Variants in WFIKKN2 observed in about 807,000 individuals in gnomAD.
WFIKKN2 encodes WAP, Kazal, immunoglobulin, Kunitz and NTR domain-containing protein 2.
WFIKKN2 carries 25 observed loss-of-function variants against 39.2 expected under a neutral mutation model. The ratio of observed to expected loss-of-function variants is 0.64; its 90% CI spans 0.47 to 0.89. The LOEUF (loss-of-function observed/expected upper bound fraction) is 0.89. Among genes scored for constraint, WFIKKN2 ranks in the 40% least tolerant of loss-of-function variants. The pLI, the probability that WFIKKN2 is intolerant of heterozygous loss-of-function variation, is 0.00. For synonymous variants in WFIKKN2, 345 were observed against 329.7 expected, an observed-to-expected ratio of 1.05 and a Z score of -0.50; for missense variants, 770 against 811.7, an observed-to-expected ratio of 0.95 and a Z score of 0.62.
chr17:50,838,492 C>T (rs558168770), intron 1 of WFIKKN2, among the ~76,000 whole-genome samples: 3 of 152,134 alleles, frequency 2.0e-5, no homozygotes, highest in South Asian at 2.1e-4. Flanking sequence ...CAAGTGGGTA[C>T]GATGTGTTAT....
In WFIKKN2 at chr17:50,836,044, C is replaced by T. The variant is rs201015217; in HGVS notation, c.107C>T (p.Pro36Leu). ...LGVPPRSLAL[P>L]PIRYSHAGIC... is the part of the protein sequence containing the mutation. ...GTGCCCCCGCGAAGCCTGGCGCTGC[C>T]GCCCATCCGCTATTCCCACGCCGGC... is the stretch of plus-strand genomic sequence containing the variant. The change falls in exon 1 of 2, where the codon CCG becomes CTG. Residue 36 changes from proline (P) to leucine (L), a missense_variant. Physicochemically the swap from Pro to Leu is moderately conservative, Grantham distance 98. Coordinates refer to ENST00000311378, the MANE Select transcript of WFIKKN2 (RefSeq NM_175575.6). 82 of 1,602,546 alleles carry T rather than the reference C, an allele frequency of 5.1e-5. No individual in the cohort carries two copies. The highest frequency in any genetic ancestry group is 6.7e-5 in the African/African-American group (5 of 74,858).
chr17:50,840,307 A>G lies in WFIKKN2; in HGVS notation c.1019A>G (p.Glu340Gly), dbSNP rs2143298750. ...KPPDSEDCGE[E>G]QTRWHFDAQA... Reference sequence around the variant, plus strand: ...CCAGACAGTGAGGACTGTGGCGAAGAGCAGACCCGCTGGCACTTCGATGCC... The same window carrying G: ...CCAGACAGTGAGGACTGTGGCGAAGGGCAGACCCGCTGGCACTTCGATGCC... Residue 340 changes from glutamate to glycine, a missense_variant, in exon 2 of 2, where the codon GAG becomes GGG. Transcript: ENST00000311378. The G allele has an allele frequency of 6.2e-7, 1 of 1,614,036 alleles. No homozygotes were observed.
intron 1 of WFIKKN2, among the ~76,000 whole-genome samples, chr17:50,836,458 G>C (rs1971960374): frequency 6.6e-6 from 1 of 151,542 alleles, no homozygotes; most frequent in Non-Finnish European, 1.5e-5. Context: ...GTGGGGTCCA[G>C]AAGCCGGTGT....
upstream of WFIKKN2, chr17:50,834,968 G>A (rs1160041642): frequency 2.0e-5 from 3 of 152,348 alleles, no homozygotes; most frequent in Non-Finnish European, 4.4e-5. Context: ...GGTTTTCTCG[G>A]TGTGTCGATG....
chr17:50,835,925 C>A lies in WFIKKN2; in HGVS notation c.-13C>A, dbSNP rs781219975. ...CGTTTCAGGGGAGGTCTCTAGCCGC[C>A]CCAGCCTGCACCATGTGGGCCCCAA... On this transcript the variant is annotated 5_prime_UTR_variant, in exon 1 of 2. Coordinates refer to ENST00000311378, the MANE Select transcript of WFIKKN2 (RefSeq NM_175575.6). 1.0e-5 allele frequency: 16 copies of A among 1,606,630 alleles called. No homozygotes were observed. Among genetic ancestry groups the A allele is most frequent in the Non-Finnish European group, 1.4e-5 (16 of 1,175,844 alleles).
At position 50,840,989 on chromosome 17, in the gene WFIKKN2, C is replaced by T. The variant is rs370063693; in HGVS notation, c.1701C>T (p.Asp567=). 56 of 1,548,648 alleles carry T rather than the reference C, an allele frequency of 3.6e-5. No individual in the cohort carries two copies. Among genetic ancestry groups the T allele is most frequent in the Non-Finnish European group, 3.8e-5 (44 of 1,145,428 alleles). The change falls in exon 2 of 2, where the codon GAC becomes GAT. Residue 567 remains aspartate, a synonymous_variant. Coordinates refer to ENST00000311378, the MANE Select transcript of WFIKKN2 (RefSeq NM_175575.6). ...LREVMHKKTC[D]VLKEFLGLH ...AGGTCATGCACAAGAAGACCTGTGA[C>T]GTCCTCAAGGAGTTTCTTGGCTTGC...
In WFIKKN2 at chr17:50,841,070, C is replaced by T; in HGVS notation, c.*51C>T. On this transcript the variant is annotated 3_prime_UTR_variant, in exon 2 of 2. Transcript: ENST00000311378. ...CCCTGGCCTTCTTCCACCTATCCAC[C>T]CCAATGCCTCTCAGCAAACTGGGCG... 2 of 1,485,346 alleles carry T rather than the reference C, an allele frequency of 1.3e-6. No individual in the cohort carries two copies. Among genetic ancestry groups the T allele is most frequent in the Admixed American group, 2.3e-5 (1 of 42,584 alleles). 92.0% of individuals were successfully genotyped at this position (1,485,346 alleles called of 1,614,324 possible). A position where few individuals can be genotyped will look rare whatever the true frequency, so the allele number is the denominator to read the frequency against.
rs1286033846 is a variant in WFIKKN2, at chr17:50,840,849, A to T, written c.1561A>T (p.Thr521Ser). 1 of 1,611,192 alleles carries T rather than the reference A, an allele frequency of 6.2e-7. No individual in the cohort carries two copies. Residue 521 changes from threonine (T) to serine (S), a missense_variant, in exon 2 of 2, where the codon ACC (threonine) becomes TCC (serine). Transcript: ENST00000311378. ...CTGGGCATGCCCCTGCCCCAACGTG[A>T]CCGTGAGCGAGATGCCGCTCATCAT... is the stretch of plus-strand genomic sequence containing the variant. The part of the protein sequence containing the change: ...VDWACPCPNV[T>S]VSEMPLIIMG...
Position 50,839,749 on chromosome 17 carries a change from A to G in WFIKKN2, c.461A>G (p.Tyr154Cys). The change falls in exon 2 of 2, where the codon TAT becomes TGT. Residue 154 changes from tyrosine to cysteine, a missense_variant. Physicochemically the swap from Tyr to Cys is radical, Grantham distance 194. Coordinates refer to ENST00000311378, the MANE Select transcript of WFIKKN2 (RefSeq NM_175575.6). The stretch of plus-strand genomic sequence containing the variant: ...TGCGCCTCGGACGGCCTCACCTACT[A>G]TAACCGCTGCTACATGGATGCCGAG... Reference protein sequence around the residue: ...FTCASDGLTYYNRCYMDAEAC... With the variant: ...FTCASDGLTYCNRCYMDAEAC... 3 of 1,614,196 alleles carry G rather than the reference A, an allele frequency of 1.9e-6. No individual in the cohort carries two copies. The highest frequency in any genetic ancestry group is 2.2e-5 in the East Asian group (1 of 44,874).
rs1317185449 is a variant in WFIKKN2 at position 50,842,080 on chromosome 17, G to A, written c.*1061G>A. Reference sequence around the variant, plus strand: ...GGCCTCAGGAACCCACGGGAACCTGGAAGGAGGCTCTTTGTGAGACCTGGG... The same window carrying A: ...GGCCTCAGGAACCCACGGGAACCTGAAAGGAGGCTCTTTGTGAGACCTGGG... On this transcript the variant is annotated 3_prime_UTR_variant, in exon 2 of 2. Transcript: ENST00000311378. 1 of 152,162 alleles carries A rather than the reference G, an allele frequency of 6.6e-6. No homozygotes were observed. The highest frequency in any genetic ancestry group is 6.5e-5 in the Admixed American group (1 of 15,270). The allele number at this position is 152,162 out of a possible 1,614,324, so 9.4% of individuals were successfully genotyped here. A position where few individuals can be genotyped will look rare whatever the true frequency, so the allele number is the denominator to read the frequency against.
intron 1 of WFIKKN2, 22 bp downstream of exon 1, chr17:50,836,169 G>C: frequency 6.2e-7 from 1 of 1,609,644 alleles, no homozygotes; most frequent in Non-Finnish European, 8.5e-7. Flanking sequence ...CCAGAGACCA[G>C]AGATGGACCA....
In WFIKKN2 at chr17:50,840,606, A is replaced by AG; in HGVS notation, c.1323dup (p.Asn442GlufsTer30). ...CTGTGAGGAGTCGTGCCCCTTCCCC[A>AG]GGGGGAACCAGCGCTGTCGGGCCTG... is the stretch of plus-strand genomic sequence containing the variant. On this transcript the variant is annotated frameshift_variant, in exon 2 of 2. Transcript: ENST00000311378. LOFTEE classifies it high-confidence loss of function. 6.2e-7 allele frequency: 1 copy of AG among 1,613,954 alleles called. No homozygotes were observed. Among genetic ancestry groups the AG allele is most frequent in the East Asian group, 2.2e-5 (1 of 44,860 alleles).
At position 50,841,924 on chromosome 17, in the gene WFIKKN2, A is replaced by G. The variant is rs1972050536; in HGVS notation, c.*905A>G. ...ACATAGATCAGACAAAAGCCCCGGG[A>G]TCTGTTTGGTAGCAGGAGAAATGAA... is the stretch of plus-strand genomic sequence containing the variant. On this transcript the variant is annotated 3_prime_UTR_variant, in exon 2 of 2. Coordinates refer to ENST00000311378, the MANE Select transcript of WFIKKN2 (RefSeq NM_175575.6). 6.6e-6 allele frequency: 1 copy of G among 152,138 alleles called. No individual in the cohort carries two copies. The highest frequency in any genetic ancestry group is 1.5e-5 in the Non-Finnish European group (1 of 68,080). The allele number at this position is 152,138 out of a possible 1,614,324, so 9.4% of individuals were successfully genotyped here. A position where few individuals can be genotyped will look rare whatever the true frequency, so the allele number is the denominator to read the frequency against.
chr17:50,834,852 C>G (rs1971935283), upstream of WFIKKN2: 1 of 152,256 alleles, frequency 6.6e-6, no homozygotes, highest in African/African-American at 2.4e-5. Context: ...GTGGGGGAGG[C>G]CAGACAAGGC....
Position 50,839,870 on chromosome 17 carries a change from C to T in WFIKKN2, c.582C>T (p.His194=). The change falls in exon 2 of 2, where the codon CAC becomes CAT. Residue 194 remains histidine, a synonymous_variant. Transcript: ENST00000311378. ...TSPPPPETTM[H]PTTASPETPE... is the part of the protein sequence containing the mutation. The stretch of plus-strand genomic sequence containing the variant: ...CCCCACCACCTGAGACCACCATGCA[C>T]CCCACCACAGCCTCCCCAGAGACCC... The T allele has an allele frequency of 5.0e-6, 8 of 1,614,198 alleles. 2 individuals carry two copies. The Admixed American group carries it at 6.7e-5, about 13-fold the overall frequency.
rs1971943624 is a variant in WFIKKN2, at chr17:50,835,615, C to T, written c.-323C>T. 1 of 362,842 alleles carries T rather than the reference C, an allele frequency of 2.8e-6. No homozygotes were observed. Among genetic ancestry groups the T allele is most frequent in the South Asian group, 6.9e-5 (1 of 14,518 alleles). 22.5% of individuals were successfully genotyped at this position (362,842 alleles called of 1,614,324 possible). A position where few individuals can be genotyped will look rare whatever the true frequency, so the allele number is the denominator to read the frequency against. The stretch of plus-strand genomic sequence containing the variant: ...GCGCCAGCAGCCTGCCTGTGACAGG[C>T]ATCAGGTTAGCTGGCTCCCACTCGG... On this transcript the variant is annotated 5_prime_UTR_variant, in exon 1 of 2. Coordinates refer to ENST00000311378, the MANE Select transcript of WFIKKN2 (RefSeq NM_175575.6).
chr17:50,840,995 C>T lies in WFIKKN2; in HGVS notation c.1707C>T (p.Leu569=), dbSNP rs768843943. The change falls in exon 2 of 2, where the codon CTC becomes CTT. Residue 569 remains leucine (L), a synonymous_variant. Transcript: ENST00000311378. ...TGCACAAGAAGACCTGTGACGTCCT[C>T]AAGGAGTTTCTTGGCTTGCACTGAA... ...EVMHKKTCDV[L]KEFLGLH 1.9e-6 allele frequency: 3 copies of T among 1,541,168 alleles called. No homozygotes were observed. The highest frequency in any genetic ancestry group is 2.5e-5 in the South Asian group (2 of 80,372).
At chr17:50,839,197 G>A (rs1341922418) in intron 1 of WFIKKN2, among the ~76,000 whole-genome samples, 2 of 152,146 alleles carry the variant, frequency 1.3e-5, no homozygotes, top group African/African-American at 4.8e-5. Context: ...TGCTAGCTGA[G>A]TGACCTTGGG....
chr17:50,840,861 A>G lies in WFIKKN2; in HGVS notation c.1573A>G (p.Met525Val), dbSNP rs1972035473. 6.2e-7 allele frequency: 1 copy of G among 1,610,690 alleles called. No individual in the cohort carries two copies. The highest frequency in any genetic ancestry group is 8.5e-7 in the Non-Finnish European group (1 of 1,177,352). The change falls in exon 2 of 2, where the codon ATG becomes GTG. Residue 525 changes from methionine (M) to valine (V), a missense_variant. Physicochemically the swap from Met to Val is conservative, Grantham distance 21. Transcript: ENST00000311378. ...CTGCCCCAACGTGACCGTGAGCGAGATGCCGCTCATCATCATGGGGGAGGT... is the reference window on the plus strand; with the variant it reads ...CTGCCCCAACGTGACCGTGAGCGAGGTGCCGCTCATCATCATGGGGGAGGT... The part of the protein sequence containing the change: ...CPCPNVTVSE[M>V]PLIIMGEVDG...
Sources: allele counts gnomAD v4.1 joint callset (sites outside exome capture counted in the v4.1 genomes callset), GRCh38; gene constraint gnomAD v4.1.1; transcripts MANE v1.5; gene names NCBI Gene and HGNC (gene_info 2026-07-23, HGNC 2026-07-21).